VDAC1: variants seen among roughly 807,000 people sequenced by gnomAD.
VDAC1 encodes the protein voltage dependent anion channel 1.
A neutral mutation model predicts 34.7 loss-of-function variants in VDAC1; 10 were observed. The observed-to-expected ratio is 0.29, with a 90% CI of 0.18 to 0.49. The LOEUF is 0.49. Among genes scored for constraint, VDAC1 ranks in the 20% least tolerant of loss-of-function variants. The pLI is 0.99. For synonymous variants in VDAC1, 130 were observed against 136.0 expected, an observed-to-expected ratio of 0.96 and a Z score of 0.30; for missense variants, 230 against 347.9, an observed-to-expected ratio of 0.66 and a Z score of 2.69.
chr5:133,983,697 C>A (rs1218393810), intron 5 of VDAC1, among the ~76,000 whole-genome samples: 5 of 152,184 alleles, frequency 3.3e-5, no homozygotes, highest in Non-Finnish European at 7.3e-5. Context: ...GAAACAAAAT[C>A]ACCACTGATA....
intron 5 of VDAC1, among the ~76,000 whole-genome samples, chr5:133,981,891 C>T (rs1322006552): frequency 6.6e-6 from 1 of 152,202 alleles, no homozygotes; most frequent in Admixed American, 6.5e-5. Context: ...CCACTCAGAG[C>T]CTCAAGGACT....
the VDAC1 span, among the ~76,000 whole-genome samples, chr5:134,012,080 AAGAG>A: frequency 3.1e-3 from 470 of 152,246 alleles, 3 homozygotes; most frequent in African/African-American, 0.011. Flanking sequence ...AGAAGAAAGA[AAGAG>A]AGAGATTGGA....
the VDAC1 span, among the ~76,000 whole-genome samples, chr5:134,095,840 ATG>A: frequency 6.6e-6 from 1 of 152,246 alleles, no homozygotes; most frequent in Non-Finnish European, 1.5e-5. Context: ...CAATGGCCAC[ATG>A]TGGCTAGTGG....
the VDAC1 span, among the ~76,000 whole-genome samples, chr5:134,012,632 G>A: frequency 6.6e-6 from 1 of 152,102 alleles, no homozygotes; most frequent in African/African-American, 2.4e-5. Context: ...TCATGGATTG[G>A]AAGAATCAAT....
At chr5:134,114,349 C>T in the VDAC1 span, among the ~76,000 whole-genome samples, 1 of 152,204 alleles carries the variant, frequency 6.6e-6, no homozygotes, top group East Asian at 1.9e-4. Flanking sequence ...ACCACGGCTG[C>T]GATGGTAAGC....
intron 5 of VDAC1, among the ~76,000 whole-genome samples, chr5:133,990,269 C>T (rs1217897200): frequency 1.3e-5 from 2 of 152,176 alleles, no homozygotes; most frequent in East Asian, 1.9e-4. Context: ...TGTCCCTAAG[C>T]AGCAGGAAGC....
intron 1 of VDAC1, among the ~76,000 whole-genome samples, chr5:134,001,988 C>T (rs915551196): frequency 4.6e-5 from 7 of 152,282 alleles, no homozygotes; most frequent in South Asian, 4.2e-4. Context: ...CCATGGAAAA[C>T]CCAAAGCCGC....
the VDAC1 span, among the ~76,000 whole-genome samples, chr5:134,093,682 G>A: frequency 1.3e-3 from 199 of 152,312 alleles, no homozygotes; most frequent in African/African-American, 4.5e-3. Context: ...CAGATCTTCC[G>A]TCCAGGTTCT....
At chr5:134,069,917 C>T in the VDAC1 span, among the ~76,000 whole-genome samples, 5 of 152,104 alleles carry the variant, frequency 3.3e-5, no homozygotes, top group Non-Finnish European at 7.4e-5. Flanking sequence ...ACCAAGATGG[C>T]GACAAGAGTG....
chr5:134,048,172 G>C, the VDAC1 span, among the ~76,000 whole-genome samples: 1 of 151,944 alleles, frequency 6.6e-6, no homozygotes, highest in Non-Finnish European at 1.5e-5. Context: ...GTTTCACCCT[G>C]TTAGCCAGGA....
the VDAC1 span, among the ~76,000 whole-genome samples, chr5:134,050,488 G>T: frequency 4.0e-5 from 6 of 151,896 alleles, no homozygotes; most frequent in Non-Finnish European, 1.5e-5. Flanking sequence ...TTTCCTCTGG[G>T]CAGGGGGAGA....
chr5:133,979,170 T>C (rs1752591226), intron 6 of VDAC1, among the ~76,000 whole-genome samples: 1 of 152,142 alleles, frequency 6.6e-6, no homozygotes, highest in African/African-American at 2.4e-5. Flanking sequence ...AAATAAACCA[T>C]ACCCACTTGT....
At chr5:133,980,614 G>A in intron 6 of VDAC1, 115 bp downstream of exon 6, 2 of 894,038 alleles carry the variant, frequency 2.2e-6, no homozygotes, top group Admixed American at 5.7e-5. Context: ...ACTTTACAGT[G>A]GTTAAAAACT....
chr5:133,976,840 T>C (rs1458530657), intron 6 of VDAC1, among the ~76,000 whole-genome samples: 2 of 152,112 alleles, frequency 1.3e-5, no homozygotes, highest in African/African-American at 2.4e-5. Context: ...GGTCAGGAGT[T>C]TGAGACCAGC....
chr5:134,002,518 T>C (rs1355752451), intron 1 of VDAC1, among the ~76,000 whole-genome samples: 1 of 152,158 alleles, frequency 6.6e-6, no homozygotes, highest in Non-Finnish European at 1.5e-5. Context: ...GTTCAACAAG[T>C]TTCCCTCGGG....
chr5:134,000,615 T>TC (rs1475075254), intron 1 of VDAC1, among the ~76,000 whole-genome samples: 1 of 152,096 alleles, frequency 6.6e-6, no homozygotes, highest in East Asian at 1.9e-4. Context: ...TAGACCTGAG[T>TC]TCTAACCCAC....
the VDAC1 span, among the ~76,000 whole-genome samples, chr5:134,022,324 A>G: frequency 6.6e-6 from 1 of 152,262 alleles, no homozygotes; most frequent in Non-Finnish European, 1.5e-5. Flanking sequence ...CTGCTATAAT[A>G]ATACCACAGA....
chr5:134,106,839 G>T, the VDAC1 span, among the ~76,000 whole-genome samples: 2 of 152,214 alleles, frequency 1.3e-5, no homozygotes, highest in Non-Finnish European at 2.9e-5. Flanking sequence ...TGGAAACCCA[G>T]GCTCTCTTCT....
rs201680896 is a variant in VDAC1, at chr5:133,991,062, C to T, written c.210G>A (p.Thr70=). Residue 70 remains threonine, a synonymous_variant, in exon 4 of 9, where the codon ACG becomes ACA. Transcript: ENST00000265333. ...TKYRWTEYGL[T]FTEKWNTDNT... is the part of the protein sequence containing the mutation. The stretch of plus-strand genomic sequence containing the variant: ...TGTCGGTATTCCATTTCTCTGTAAA[C>T]GTCAGGCCGTACTCAGTCCATCTGT... 2.2e-5 allele frequency: 36 copies of T among 1,614,030 alleles called. No homozygotes were observed. Among genetic ancestry groups the T allele is most frequent in the East Asian group, 2.2e-5 (1 of 44,900 alleles).
Sources: gnomAD v4.1 joint callset for allele counts (sites outside exome capture counted in the v4.1 genomes callset) on GRCh38, gnomAD v4.1.1 for gene constraint, MANE v1.5 for transcripts, NCBI Gene and HGNC (gene_info 2026-07-23, HGNC 2026-07-21) for gene names.